Variants in CADPS2 observed in about 807,000 individuals in gnomAD.
The protein encoded by CADPS2 is calcium dependent secretion activator 2.
In CADPS2, 93 loss-of-function variants were observed where a neutral mutation model predicts 172.5. The observed-to-expected ratio is 0.54, with a 90% CI of 0.46 to 0.64. CADPS2 has a LOEUF of 0.64. Ranked by LOEUF, CADPS2 falls within the 30% of genes least tolerant of loss-of-function variation. The pLI, the probability that CADPS2 is intolerant of heterozygous loss-of-function variation, is 0.00. For missense variants in CADPS2, 1,420 were observed against 1,565.9 expected (o/e 0.91, Z 1.57); for synonymous variants, 546 against 555.2 (o/e 0.98, Z 0.23).
intron 25 of CADPS2, among the ~76,000 whole-genome samples, chr7:122,361,776 A>G (rs1478882986): frequency 6.6e-6 from 1 of 152,106 alleles, no homozygotes; most frequent in Admixed American, 6.5e-5. Context: ...GGTTGAATAT[A>G]AAAGAACAGA....
intron 15 of CADPS2, among the ~76,000 whole-genome samples, chr7:122,449,590 G>A (rs1249249456): frequency 6.6e-6 from 1 of 152,096 alleles, no homozygotes; most frequent in Non-Finnish European, 1.5e-5. Context: ...TGGGATTATA[G>A]GTTTGAGCTA....
At chr7:122,514,668 C>T (rs890727915) in intron 8 of CADPS2, among the ~76,000 whole-genome samples, 1 of 151,868 alleles carries the variant, frequency 6.6e-6, no homozygotes, top group African/African-American at 2.4e-5. Flanking sequence ...AGGAGGTGCA[C>T]ATAAAGGTGT....
intron 28 of CADPS2, among the ~76,000 whole-genome samples, chr7:122,329,877 A>AT (rs1371713632): frequency 6.6e-6 from 1 of 152,168 alleles, no homozygotes; most frequent in African/African-American, 2.4e-5. Context: ...CAAGCAAATG[A>AT]TTTTTGTCAG....
rs757570553 is a variant in CADPS2 at position 122,621,624 on chromosome 7, C to A, written c.961G>T (p.Glu321Ter). 1 of 1,613,718 alleles carries A rather than the reference C, an allele frequency of 6.2e-7. No individual in the cohort carries two copies. The highest frequency in any genetic ancestry group is 1.7e-5 in the Admixed American group (1 of 60,008). The part of the protein sequence containing the change: ...SSVNLLMANL[E>*]SLPVSKGGPE... ...CCACCTTTCGAAACTGGAAGACTTT[C>A]CAAATTGGCCATTAGCAAATTCACT... Residue 321 changes from glutamate to a stop codon, truncating the protein, a stop_gained, in exon 5 of 30, where the codon GAA becomes TAA. Coordinates refer to ENST00000449022, the MANE Select transcript of CADPS2 (RefSeq NM_017954.11). LOFTEE classifies it high-confidence loss of function.
intron 19 of CADPS2, among the ~76,000 whole-genome samples, chr7:122,411,870 C>G (rs913723396): frequency 1.3e-5 from 2 of 152,188 alleles, no homozygotes; most frequent in Non-Finnish European, 2.9e-5. Context: ...AAGTTTTTTA[C>G]AACTTCCGTG....
rs546269825 is a variant in CADPS2 at position 122,779,402 on chromosome 7, G to C, written c.340-42334C>G. 4.0e-4 allele frequency among the ~76,000 whole-genome samples: 61 copies of C among 152,240 alleles called. 1 individual carries two copies. In the East Asian group the frequency reaches 9.3e-3, roughly 23 times the overall value. On this transcript the variant is annotated intron_variant, in intron 1 of 29. Coordinates refer to ENST00000449022, the MANE Select transcript of CADPS2 (RefSeq NM_017954.11). ...ATTCTTCTTGTGGTGGAGGTCAGCA[G>C]CTCTCAGGGAACCAAGCCCAACCAT...
At chr7:122,647,011 T>C (rs536241712) in intron 3 of CADPS2, among the ~76,000 whole-genome samples, 2 of 152,212 alleles carry the variant, frequency 1.3e-5, no homozygotes, top group African/African-American at 4.8e-5. Flanking sequence ...AAGGTGAATA[T>C]GACATTAATA....
At chr7:122,646,095 C>T (rs1285879710) in intron 3 of CADPS2, among the ~76,000 whole-genome samples, 1 of 151,828 alleles carries the variant, frequency 6.6e-6, no homozygotes, top group Non-Finnish European at 1.5e-5. Context: ...GATTTGAACT[C>T]GAGTTTCAAC....
intron 9 of CADPS2, among the ~76,000 whole-genome samples, chr7:122,494,475 T>C (rs776178870): frequency 7.4e-4 from 112 of 151,930 alleles, no homozygotes; most frequent in Non-Finnish European, 1.5e-3. Flanking sequence ...ACCTAAGATA[T>C]AACATTTCTA....
At chr7:122,856,037 T>C (rs28434287) in intron 1 of CADPS2, among the ~76,000 whole-genome samples, 2 of 152,156 alleles carry the variant, frequency 1.3e-5, no homozygotes, top group African/African-American at 4.8e-5. Flanking sequence ...CCATGGCCCC[T>C]TCCCCCTTCC....
chr7:122,645,681 A>ATATATC (rs796988558), intron 3 of CADPS2, among the ~76,000 whole-genome samples: 10,759 of 116,478 alleles, frequency 0.092, 686 homozygotes, highest in East Asian at 0.2. Flanking sequence ...ATATATATAT[A>ATATATC]TCTTGGGATT....
chr7:122,848,130 C>T (rs1812533101), intron 1 of CADPS2, among the ~76,000 whole-genome samples: 1 of 152,138 alleles, frequency 6.6e-6, no homozygotes, highest in African/African-American at 2.4e-5. Context: ...TTAGAATACT[C>T]AACATTTTGC....
At chr7:122,575,574 T>C (rs1423789154) in intron 7 of CADPS2, among the ~76,000 whole-genome samples, 4 of 151,818 alleles carry the variant, frequency 2.6e-5, no homozygotes, top group African/African-American at 9.7e-5. Flanking sequence ...GTAGGTGGGA[T>C]TACAGGTGTG....
intron 2 of CADPS2, among the ~76,000 whole-genome samples, chr7:122,695,659 T>A (rs558180378): frequency 6.6e-6 from 1 of 152,140 alleles, no homozygotes; most frequent in African/African-American, 2.4e-5. Flanking sequence ...ACTCCAAATA[T>A]AGATTCTAAC....
intron 2 of CADPS2, among the ~76,000 whole-genome samples, chr7:122,689,231 A>T (rs1588437020): frequency 6.6e-6 from 1 of 152,006 alleles, no homozygotes; most frequent in Non-Finnish European, 1.5e-5. Flanking sequence ...CTCCTGGGAC[A>T]CCCCTTGTAA....
chr7:122,454,940 G>A (rs1035000316), intron 14 of CADPS2, among the ~76,000 whole-genome samples: 2 of 151,954 alleles, frequency 1.3e-5, no homozygotes, highest in African/African-American at 4.8e-5. Flanking sequence ...CTCCTCCAGC[G>A]CTTTCTTTGT....
At chr7:122,387,988 A>G (rs1392359004) in intron 23 of CADPS2, among the ~76,000 whole-genome samples, 2 of 151,998 alleles carry the variant, frequency 1.3e-5, no homozygotes, top group African/African-American at 4.8e-5. Flanking sequence ...GGACAATGGG[A>G]AAAAAATGCT....
intron 8 of CADPS2, among the ~76,000 whole-genome samples, chr7:122,551,770 A>G (rs1406367925): frequency 5.9e-5 from 9 of 152,184 alleles, no homozygotes; most frequent in Middle Eastern, 3.4e-3. Flanking sequence ...TTAATTATTG[A>G]TTATAGGAGA....
chr7:122,695,196 C>T (rs1024194522), intron 2 of CADPS2, among the ~76,000 whole-genome samples: 3 of 152,148 alleles, frequency 2.0e-5, no homozygotes, highest in African/African-American at 7.2e-5. Context: ...ACCTATAGCA[C>T]CACCCGATAA....
Sources: gnomAD v4.1 joint callset for allele counts (sites outside exome capture counted in the v4.1 genomes callset) on GRCh38, gnomAD v4.1.1 for gene constraint, MANE v1.5 for transcripts, NCBI Gene and HGNC (gene_info 2026-07-23, HGNC 2026-07-21) for gene names.